PPM1H: variants seen among roughly 807,000 people sequenced by gnomAD.
PPM1H encodes protein phosphatase 1H.
Under a neutral mutation model 54.9 loss-of-function variants are expected in PPM1H, and 27 were observed. The ratio of observed to expected loss-of-function variants is 0.49; its 90% CI spans 0.36 to 0.68. The LOEUF (loss-of-function observed/expected upper bound fraction) is 0.68, where lower values mean the gene tolerates loss of function less well. PPM1H is among the 30% of genes least tolerant of loss of function. The pLI is 0.00. For synonymous variants in PPM1H, 305 were observed against 270.8 expected, an observed-to-expected ratio of 1.13 and a Z score of -1.24; for missense variants, 596 against 667.8, an observed-to-expected ratio of 0.89 and a Z score of 1.19.
chr12:62,930,255 A>C (rs1464184494), intron 1 of PPM1H, among the ~76,000 whole-genome samples: 2 of 152,226 alleles, frequency 1.3e-5, no homozygotes, highest in Non-Finnish European at 2.9e-5. Context: ...TCTGTGAGAC[A>C]TACACTTATA....
chr12:62,712,056 T>C (rs564230836), intron 6 of PPM1H, among the ~76,000 whole-genome samples: 1 of 152,346 alleles, frequency 6.6e-6, no homozygotes, highest in South Asian at 2.1e-4. Flanking sequence ...ATGCAGAACA[T>C]GCACATAGCA....
At chr12:62,793,947 G>A (rs751812157) in intron 3 of PPM1H, among the ~76,000 whole-genome samples, 9 of 152,158 alleles carry the variant, frequency 5.9e-5, no homozygotes, top group Non-Finnish European at 1.2e-4. Flanking sequence ...GCAGAAAGGA[G>A]CAAGTGTTGG....
intron 4 of PPM1H, among the ~76,000 whole-genome samples, chr12:62,775,059 C>T (rs1479640077): frequency 6.6e-6 from 1 of 152,232 alleles, no homozygotes; most frequent in Non-Finnish European, 1.5e-5. Flanking sequence ...GGCCCTGCAA[C>T]TTTCATTACT....
At chr12:62,649,821 G>C (rs189019123) in intron 9 of PPM1H, among the ~76,000 whole-genome samples, 10 of 152,294 alleles carry the variant, frequency 6.6e-5, no homozygotes, top group Admixed American at 6.5e-4. Flanking sequence ...TTGTGAGCTT[G>C]GTTAAGGTGA....
chr12:62,839,493 A>G (rs1483286024), intron 1 of PPM1H, among the ~76,000 whole-genome samples: 1 of 152,104 alleles, frequency 6.6e-6, no homozygotes, highest in East Asian at 1.9e-4. Flanking sequence ...AATGACTATA[A>G]TCAGCTGGAC....
chr12:62,867,187 T>C (rs1869805822), intron 1 of PPM1H, among the ~76,000 whole-genome samples: 1 of 152,180 alleles, frequency 6.6e-6, no homozygotes, highest in Admixed American at 6.5e-5. Context: ...ATTTGGAGCA[T>C]TAAATTTGGC....
At chr12:62,793,904 T>A (rs1420376967) in intron 3 of PPM1H, among the ~76,000 whole-genome samples, 1 of 152,182 alleles carries the variant, frequency 6.6e-6, no homozygotes, top group Non-Finnish European at 1.5e-5. Context: ...TTCCTACCAA[T>A]TTCAGGTTGC....
chr12:62,800,359 G>A (rs1197530316), intron 3 of PPM1H, among the ~76,000 whole-genome samples: 1 of 150,550 alleles, frequency 6.6e-6, no homozygotes. Flanking sequence ...TTTTTGAGAT[G>A]GAGTCACGCT....
At chr12:62,816,129 T>G (rs1440598842) in intron 2 of PPM1H, among the ~76,000 whole-genome samples, 2 of 152,102 alleles carry the variant, frequency 1.3e-5, no homozygotes, top group Non-Finnish European at 2.9e-5. Context: ...CTCAAAGAGA[T>G]TTTCCTGCTC....
intron 5 of PPM1H, among the ~76,000 whole-genome samples, chr12:62,724,814 A>G (rs941719454): frequency 1.3e-5 from 2 of 152,152 alleles, no homozygotes; most frequent in African/African-American, 2.4e-5. Flanking sequence ...ACTTAGACAC[A>G]TTTTTATTAT....
chr12:62,903,746 G>A (rs914406289), intron 1 of PPM1H, among the ~76,000 whole-genome samples: 1 of 151,994 alleles, frequency 6.6e-6, no homozygotes, highest in African/African-American at 2.4e-5. Context: ...GAGTGGGGTG[G>A]GGGTCTAAAA....
chr12:62,837,298 CACAG>C (rs1290736951), intron 1 of PPM1H, among the ~76,000 whole-genome samples: 3 of 152,234 alleles, frequency 2.0e-5, no homozygotes, highest in African/African-American at 4.8e-5. Flanking sequence ...TATCACTAAA[CACAG>C]ACAAAGTAAG....
chr12:62,900,938 A>G (rs1440184168), intron 1 of PPM1H, among the ~76,000 whole-genome samples: 1 of 152,150 alleles, frequency 6.6e-6, no homozygotes, highest in Non-Finnish European at 1.5e-5. Context: ...ATGTGCTATG[A>G]TATAATTTCC....
intron 3 of PPM1H, 103 bp downstream of exon 3, chr12:62,801,713 G>T: frequency 7.9e-7 from 1 of 1,265,564 alleles, no homozygotes; most frequent in East Asian, 2.5e-5. Context: ...GTGGAGCCAG[G>T]CAGCAAAACC....
intron 2 of PPM1H, 34 bp from the exon 3 acceptor site, chr12:62,802,194 G>A (rs772558135): frequency 1.1e-5 from 16 of 1,495,820 alleles, no homozygotes; most frequent in South Asian, 4.0e-5. Flanking sequence ...GAGTGAGAAC[G>A]GCTGTGGACT....
intron 8 of PPM1H, among the ~76,000 whole-genome samples, chr12:62,687,266 A>G (rs899670543): frequency 6.6e-6 from 1 of 152,002 alleles, no homozygotes; most frequent in Non-Finnish European, 1.5e-5. Context: ...CTCTTCTAAT[A>G]TTATTACTAT....
intron 4 of PPM1H, among the ~76,000 whole-genome samples, chr12:62,746,044 A>T: frequency 6.6e-6 from 1 of 152,114 alleles, no homozygotes; most frequent in East Asian, 1.9e-4. Flanking sequence ...AAATAGAAAA[A>T]ATTAGCCAGG....
intron 1 of PPM1H, among the ~76,000 whole-genome samples, chr12:62,873,519 T>A (rs1870058481): frequency 6.6e-6 from 1 of 152,160 alleles, no homozygotes; most frequent in Non-Finnish European, 1.5e-5. Flanking sequence ...TCAAGGTAAT[T>A]ATCCCCCACT....
intron 1 of PPM1H, among the ~76,000 whole-genome samples, chr12:62,918,105 T>C (rs1871680522): frequency 6.6e-6 from 1 of 152,220 alleles, no homozygotes; most frequent in Non-Finnish European, 1.5e-5. Context: ...TGGGAAGGGC[T>C]AAGTCGATGA....
Sources: allele counts gnomAD v4.1 joint callset (sites outside exome capture counted in the v4.1 genomes callset), GRCh38; gene constraint gnomAD v4.1.1; transcripts MANE v1.5; gene names NCBI Gene and HGNC (gene_info 2026-07-23, HGNC 2026-07-21).